The following PEAK1 variants were observed in gnomAD, a reference collection of about 807,000 sequenced individuals.
PEAK1 encodes inactive tyrosine-protein kinase PEAK1.
A neutral mutation model predicts 124.7 loss-of-function variants in PEAK1; 54 were observed. The observed-to-expected ratio is 0.43, with a 90% CI of 0.35 to 0.54. The LOEUF (loss-of-function observed/expected upper bound fraction) is 0.54. PEAK1 is among the 20% of genes least tolerant of loss of function. The pLI is 0.01. For missense variants in PEAK1, 2,046 were observed against 2,134.5 expected, an observed-to-expected ratio of 0.96 and a Z score of 0.82; for synonymous variants, 719 against 760.0, an observed-to-expected ratio of 0.95 and a Z score of 0.89.
At chr15:77,276,966 C>G (rs892765334) in intron 5 of PEAK1, among the ~76,000 whole-genome samples, 1 of 152,036 alleles carries the variant, frequency 6.6e-6, no homozygotes, top group Non-Finnish European at 1.5e-5. Flanking sequence ...CACTGTAGTA[C>G]AGCCGACTAT....
intron 1 of PEAK1, among the ~76,000 whole-genome samples, chr15:77,407,361 A>T (rs923002008): frequency 1.3e-5 from 2 of 152,196 alleles, no homozygotes; most frequent in African/African-American, 4.8e-5. Context: ...AAATCTTCAC[A>T]AACTATGCAT....
chr15:77,158,177 T>G, intron 8 of PEAK1: 1 of 202,706 alleles, frequency 4.9e-6, no homozygotes, highest in East Asian at 1.1e-4. Flanking sequence ...TGTGTAATAT[T>G]AAAAATATAC....
chr15:77,389,453 A>T (rs1483142029), intron 1 of PEAK1, among the ~76,000 whole-genome samples: 1 of 152,194 alleles, frequency 6.6e-6, no homozygotes, highest in Non-Finnish European at 1.5e-5. Flanking sequence ...CAAATGGGAG[A>T]TAATACCATC....
At chr15:77,278,341 A>G (rs1327835988) in intron 5 of PEAK1, 1 of 222,280 alleles carries the variant, frequency 4.5e-6, no homozygotes, top group Non-Finnish European at 9.0e-6. Flanking sequence ...GAAAGAAGCT[A>G]GATTCAAAAG....
At position 77,405,703 on chromosome 15, in the gene PEAK1, C is replaced by T. The variant is rs191863368; in HGVS notation, c.-666+14303G>A. On this transcript the variant is annotated intron_variant, in intron 1 of 9. Coordinates refer to ENST00000682557, the MANE Select transcript of PEAK1 (RefSeq NM_001385026.1). ...AATAAAGCCCTGCCACTGCCTTTTA[C>T]AAAAGAATACAAAACATATCCATTC... is the stretch of plus-strand genomic sequence containing the variant. Among the ~76,000 whole-genome samples, 477 of 152,252 alleles carry T rather than the reference C, an allele frequency of 3.1e-3. 3 individuals are homozygous for T. Among genetic ancestry groups the T allele is most frequent in the Non-Finnish European group, 5.4e-3 (367 of 68,008 alleles).
At chr15:77,342,906 G>A (rs2141350688) in intron 2 of PEAK1, among the ~76,000 whole-genome samples, 1 of 152,252 alleles carries the variant, frequency 6.6e-6, no homozygotes, top group Non-Finnish European at 1.5e-5. Flanking sequence ...ATTATAAATA[G>A]TGTTGCTATG....
intron 8 of PEAK1, among the ~76,000 whole-genome samples, chr15:77,151,529 T>C (rs1429746710): frequency 6.6e-6 from 1 of 152,232 alleles, no homozygotes; most frequent in Non-Finnish European, 1.5e-5. Flanking sequence ...ATCCCATTTG[T>C]CAATTTTGGC....
rs573946964 is a variant in PEAK1, at chr15:77,332,012, G to A, written c.-603+33151C>T. ...AGCACTTTGGGATGCTGAGCCGGGC[G>A]GATCACTTGAGGTCAGGAGTTCAAA... On this transcript the variant is annotated intron_variant, in intron 2 of 9. Transcript: ENST00000682557. 2.2e-3 allele frequency: 414 copies of A among 185,900 alleles called. 1 individual carries two copies. Among genetic ancestry groups the A allele is most frequent in the Middle Eastern group, 0.011 (4 of 364 alleles). The allele number at this position is 185,900 out of a possible 1,614,324, so 11.5% of individuals were successfully genotyped here. A position where few individuals can be genotyped will look rare whatever the true frequency, so the allele number is the denominator to read the frequency against.
At position 77,181,734 on chromosome 15, in the gene PEAK1, C is replaced by T; in HGVS notation, c.193G>A (p.Val65Met). 6.2e-7 allele frequency: 1 copy of T among 1,614,096 alleles called. No individual in the cohort carries two copies. The highest frequency in any genetic ancestry group is 8.5e-7 in the Non-Finnish European group (1 of 1,179,998). ...ACAGCTATAGTGGGTTTTTTAGCCA[C>T]AGGAGGCCGGAAATTGCCCGTGTTC... ...IRNTGNFRPP[V>M]AKKPTIAVKP... Residue 65 changes from valine (V) to methionine (M), a missense_variant, in exon 7 of 10, where the codon GTG becomes ATG. Coordinates refer to ENST00000682557, the MANE Select transcript of PEAK1 (RefSeq NM_001385026.1).
intron 2 of PEAK1, chr15:77,351,953 G>A: frequency 1.0e-6 from 1 of 985,178 alleles, no homozygotes. Context: ...AGGTGTGGTG[G>A]CTCATGCCTA....
chr15:77,313,648 A>ATC (rs1555478014), intron 2 of PEAK1, among the ~76,000 whole-genome samples: 1 of 87,608 alleles, frequency 1.1e-5, no homozygotes, highest in Non-Finnish European at 2.4e-5. Context: ...GTATGTATGT[A>ATC]TGTATGTGTG....
At chr15:77,160,289 A>G (rs2055517031) in intron 7 of PEAK1, among the ~76,000 whole-genome samples, 1 of 152,232 alleles carries the variant, frequency 6.6e-6, no homozygotes, top group African/African-American at 2.4e-5. Flanking sequence ...CTGAGTAGTT[A>G]TCAACATGCT....
chr15:77,314,235 G>A (rs955047245), intron 2 of PEAK1, among the ~76,000 whole-genome samples: 2 of 151,694 alleles, frequency 1.3e-5, no homozygotes, highest in Admixed American at 1.3e-4. Flanking sequence ...GTTGAACCCT[G>A]CCACATTTAG....
At chr15:77,235,654 A>G (rs2060087347) in intron 6 of PEAK1, among the ~76,000 whole-genome samples, 1 of 152,252 alleles carries the variant, frequency 6.6e-6, no homozygotes, top group Admixed American at 6.5e-5. Flanking sequence ...AGAAATTTGC[A>G]TAAGTAATGG....
chr15:77,232,882 A>C (rs183738140), intron 6 of PEAK1, among the ~76,000 whole-genome samples: 3 of 152,144 alleles, frequency 2.0e-5, no homozygotes, highest in East Asian at 1.9e-4. Context: ...AGTAGCTGGG[A>C]TAACAGGCAC....
chr15:77,305,403 A>C lies in PEAK1; in HGVS notation c.-602-18899T>G, dbSNP rs1052351627. Reference sequence around the variant, plus strand: ...TTTTATTAGGGGCATGGAACAACTGAAAGTCCACATAGCAGCTAAAGGATA... The same window carrying C: ...TTTTATTAGGGGCATGGAACAACTGCAAGTCCACATAGCAGCTAAAGGATA... On this transcript the variant is annotated intron_variant, in intron 2 of 9. Transcript: ENST00000682557. Among the ~76,000 whole-genome samples the C allele has an allele frequency of 2.6e-5, 4 of 152,206 alleles. No individual in the cohort carries two copies. In the South Asian group the frequency reaches 6.2e-4, roughly 24 times the overall value.
chr15:77,140,068 T>C (rs975260015), intron 8 of PEAK1, among the ~76,000 whole-genome samples: 1 of 152,038 alleles, frequency 6.6e-6, no homozygotes, highest in Non-Finnish European at 1.5e-5. Context: ...TGTATAGATA[T>C]CTATAATAAG....
At chr15:77,235,704 C>G (rs1157007769) in intron 6 of PEAK1, among the ~76,000 whole-genome samples, 1 of 152,230 alleles carries the variant, frequency 6.6e-6, no homozygotes, top group Non-Finnish European at 1.5e-5. Context: ...GGGAAAATGT[C>G]TCCAGGGCAC....
intron 2 of PEAK1, among the ~76,000 whole-genome samples, chr15:77,358,595 A>T (rs1183683889): frequency 6.6e-6 from 1 of 152,168 alleles, no homozygotes; most frequent in East Asian, 1.9e-4. Flanking sequence ...CTCTCCACTG[A>T]GCATTGGGGG....
Sources: allele counts gnomAD v4.1 joint callset (sites outside exome capture counted in the v4.1 genomes callset), GRCh38; gene constraint gnomAD v4.1.1; transcripts MANE v1.5; gene names NCBI Gene and HGNC (gene_info 2026-07-23, HGNC 2026-07-21).